ROBO1: variants seen among roughly 807,000 people sequenced by gnomAD.
ROBO1 encodes the protein roundabout homolog 1.
Under a neutral mutation model 195.9 loss-of-function variants are expected in ROBO1, and 149 were observed. That is an observed-to-expected ratio of 0.76 (90% CI 0.67 to 0.87). ROBO1 has a LOEUF of 0.87. ROBO1 is among the 40% of genes least tolerant of loss of function. The pLI is 0.00. For synonymous variants in ROBO1, 816 were observed against 733.2 expected (o/e 1.11, Z -1.82); for missense variants, 1,933 against 2,068.3 (o/e 0.93, Z 1.27).
At chr3:79,183,648 G>C (rs376339332) in intron 2 of ROBO1, among the ~76,000 whole-genome samples, 2 of 152,198 alleles carry the variant, frequency 1.3e-5, no homozygotes, top group African/African-American at 4.8e-5. Context: ...GGATGGTTGG[G>C]TTACAAAGAT....
At chr3:78,803,451 T>C (rs1298530063) in intron 4 of ROBO1, among the ~76,000 whole-genome samples, 1 of 152,108 alleles carries the variant, frequency 6.6e-6, no homozygotes, top group Non-Finnish European at 1.5e-5. Context: ...GAAAATATGA[T>C]AGATTTTTTT....
chr3:79,208,687 A>ATGTGTGTGTG lies in ROBO1; in HGVS notation c.89-83158_89-83149dup, dbSNP rs59970776. Among the ~76,000 whole-genome samples, 561 of 145,304 alleles carry ATGTGTGTGTG rather than the reference A, an allele frequency of 3.9e-3. 4 individuals carry two copies. Among genetic ancestry groups the ATGTGTGTGTG allele is most frequent in the African/African-American group, 0.013 (506 of 39,508 alleles). On this transcript the variant is annotated intron_variant, in intron 2 of 30. Coordinates refer to ENST00000464233, the MANE Select transcript of ROBO1 (RefSeq NM_002941.4). ...TTGTTGTTGGTCGTGGTGGTGGGGC[A>ATGTGTGTGTG]TGTGTGTGTGTGTGTGTGTGTGTGT...
At chr3:79,018,886 G>A in intron 3 of ROBO1, 1 of 995,724 alleles carries the variant, frequency 1.0e-6, no homozygotes. Flanking sequence ...TGTGAGAGCT[G>A]CTGAGGGAGG....
chr3:79,206,614 C>T (rs2081873118), intron 2 of ROBO1, among the ~76,000 whole-genome samples: 1 of 152,112 alleles, frequency 6.6e-6, no homozygotes, highest in African/African-American at 2.4e-5. Flanking sequence ...ATTGTATATT[C>T]ATTCAGATGG....
At chr3:79,018,387 G>T (rs762740686) in intron 3 of ROBO1, 1 of 1,613,818 alleles carries the variant, frequency 6.2e-7, no homozygotes, top group Non-Finnish European at 8.5e-7. Context: ...CAAGGGTGAA[G>T]AAAGAAGACG....
At chr3:78,719,935 T>C (rs778162941) in intron 5 of ROBO1, among the ~76,000 whole-genome samples, 12 of 152,342 alleles carry the variant, frequency 7.9e-5, no homozygotes, top group African/African-American at 1.7e-4. Flanking sequence ...AATTATCTTA[T>C]GTTTCATAAA....
chr3:79,479,834 G>T (rs2107371133), intron 2 of ROBO1, among the ~76,000 whole-genome samples: 1 of 152,196 alleles, frequency 6.6e-6, no homozygotes, highest in Middle Eastern at 3.4e-3. Context: ...TAGAACCTGA[G>T]CATAAGTAGC....
chr3:79,028,527 T>G (rs993304075), intron 3 of ROBO1, among the ~76,000 whole-genome samples: 1 of 152,126 alleles, frequency 6.6e-6, no homozygotes, highest in East Asian at 1.9e-4. Flanking sequence ...GTGCATAATC[T>G]GATTCTTTAA....
At chr3:78,906,019 A>C (rs162265) in intron 4 of ROBO1, among the ~76,000 whole-genome samples, 60,830 of 152,026 alleles carry the variant, frequency 0.4, 13,354 homozygotes, top group African/African-American at 0.59. Context: ...TAACTCTAAT[A>C]AAAGTCTAAG....
chr3:78,805,231 A>G (rs1056967064), intron 4 of ROBO1, among the ~76,000 whole-genome samples: 9 of 152,142 alleles, frequency 5.9e-5, no homozygotes, highest in African/African-American at 2.2e-4. Context: ...ATTAAGAGAT[A>G]TTTAGAATTT....
At chr3:78,718,016 A>G in intron 5 of ROBO1, 133 bp from the exon 6 acceptor site, 2 of 823,238 alleles carry the variant, frequency 2.4e-6, no homozygotes, top group Non-Finnish European at 3.8e-6. Flanking sequence ...GCTGATATGT[A>G]GTATTTGCTA....
intron 4 of ROBO1, among the ~76,000 whole-genome samples, chr3:78,869,474 T>G (rs905495596): frequency 6.6e-6 from 1 of 152,174 alleles, no homozygotes; most frequent in African/African-American, 2.4e-5. Context: ...TTCAGATGCT[T>G]TCTATGGCTT....
At chr3:79,144,243 T>C (rs2080594049) in intron 2 of ROBO1, among the ~76,000 whole-genome samples, 1 of 152,108 alleles carries the variant, frequency 6.6e-6, no homozygotes, top group African/African-American at 2.4e-5. Flanking sequence ...ATATTTAGTA[T>C]TTAAAAGAAC....
intron 1 of ROBO1, among the ~76,000 whole-genome samples, chr3:79,746,143 T>C (rs538326195): frequency 2.2e-3 from 341 of 152,212 alleles, no homozygotes; most frequent in Non-Finnish European, 3.8e-3. Context: ...GGGTTTATCA[T>C]GGATTAGTTC....
At chr3:79,173,991 T>C (rs1266655752) in intron 2 of ROBO1, among the ~76,000 whole-genome samples, 1 of 152,000 alleles carries the variant, frequency 6.6e-6, no homozygotes, top group African/African-American at 2.4e-5. Flanking sequence ...GGCTCAGGGA[T>C]TGCAAACGCA....
chr3:79,461,387 G>C (rs563872430), intron 2 of ROBO1, among the ~76,000 whole-genome samples: 159 of 152,126 alleles, frequency 1.0e-3, no homozygotes, highest in African/African-American at 3.7e-3. Context: ...CACATAAAAT[G>C]ACTGACAACT....
chr3:79,175,072 AT>A (rs1394573770), intron 2 of ROBO1, among the ~76,000 whole-genome samples: 6 of 152,098 alleles, frequency 3.9e-5, no homozygotes, highest in Non-Finnish European at 5.9e-5. Context: ...GTTAATATTT[AT>A]TTTTCATTTT....
intron 3 of ROBO1, among the ~76,000 whole-genome samples, chr3:79,028,867 C>G (rs1267407965): frequency 6.6e-6 from 1 of 151,908 alleles, no homozygotes; most frequent in Non-Finnish European, 1.5e-5. Context: ...CACAAATATG[C>G]CTGAATTTCA....
rs1299188143 is a variant in ROBO1, at chr3:78,859,313, T to C, written c.499+79288A>G. ...TCCCTTATTCATGGAACTAGAAGTG[T>C]TTCAGAGTTTGAATTTTTAAAAGAA... On this transcript the variant is annotated intron_variant, in intron 4 of 30. Transcript: ENST00000464233. 2.6e-5 allele frequency among the ~76,000 whole-genome samples: 4 copies of C among 152,212 alleles called. No homozygotes were observed. The East Asian group carries it at 7.7e-4, about 29-fold the overall frequency.
Sources: gnomAD v4.1 joint callset for allele counts (sites outside exome capture counted in the v4.1 genomes callset) on GRCh38, gnomAD v4.1.1 for gene constraint, MANE v1.5 for transcripts, NCBI Gene and HGNC (gene_info 2026-07-23, HGNC 2026-07-21) for gene names.